Variants in ABTB3 observed in about 807,000 individuals in gnomAD.
ABTB3 encodes the protein ankyrin repeat- and BTB/POZ domain-containing protein 3.
At chr12:107,631,874 C>T in the ABTB3 span, among the ~76,000 whole-genome samples, 119 of 152,272 alleles carry the variant, frequency 7.8e-4, 7 homozygotes, top group South Asian at 1.5e-3. Flanking sequence ...CAGTGTTTGT[C>T]GAGTTTCTCT....
chr12:107,475,403 C>T, the ABTB3 span, among the ~76,000 whole-genome samples: 1 of 152,182 alleles, frequency 6.6e-6, no homozygotes, highest in Admixed American at 6.5e-5. Flanking sequence ...AGTCAGCTAC[C>T]CAGAGTAGCC....
the ABTB3 span, among the ~76,000 whole-genome samples, chr12:107,604,932 T>TA: frequency 4.6e-5 from 7 of 152,024 alleles, no homozygotes; most frequent in African/African-American, 1.7e-4. Flanking sequence ...TATTCAGTCT[T>TA]AAAAAAAAGA....
the ABTB3 span, among the ~76,000 whole-genome samples, chr12:107,362,291 C>T: frequency 2.1e-4 from 32 of 152,328 alleles, no homozygotes; most frequent in Middle Eastern, 3.4e-3. Context: ...ATGCTTGCTT[C>T]CTGCTAGTAG....
the ABTB3 span, among the ~76,000 whole-genome samples, chr12:107,532,245 G>T: frequency 6.6e-6 from 1 of 152,200 alleles, no homozygotes; most frequent in Admixed American, 6.5e-5. Context: ...ACCCAACCAG[G>T]GCCCACTGCC....
chr12:107,446,811 G>A, the ABTB3 span, among the ~76,000 whole-genome samples: 1 of 152,202 alleles, frequency 6.6e-6, no homozygotes, highest in East Asian at 1.9e-4. Context: ...CTGGCATGCT[G>A]TGTGGCTCTG....
chr12:107,558,809 C>G, the ABTB3 span, among the ~76,000 whole-genome samples: 1 of 152,170 alleles, frequency 6.6e-6, no homozygotes, highest in Non-Finnish European at 1.5e-5. Flanking sequence ...GTTATTTTGC[C>G]TATTTAACAG....
chr12:107,363,222 A>G, the ABTB3 span, among the ~76,000 whole-genome samples: 2 of 152,216 alleles, frequency 1.3e-5, no homozygotes, highest in East Asian at 3.9e-4. Flanking sequence ...TTTTGAAAGA[A>G]CCACTTCACC....
chr12:107,355,206 T>C, the ABTB3 span, among the ~76,000 whole-genome samples: 1 of 152,202 alleles, frequency 6.6e-6, no homozygotes, highest in Non-Finnish European at 1.5e-5. Flanking sequence ...CTCTTGTAGG[T>C]CCCTCTGAGC....
the ABTB3 span, among the ~76,000 whole-genome samples, chr12:107,414,133 T>G: frequency 6.6e-6 from 1 of 152,250 alleles, no homozygotes; most frequent in African/African-American, 2.4e-5. Context: ...CAAATGAACA[T>G]GAATTTATTT....
At chr12:107,556,749 G>A in the ABTB3 span, among the ~76,000 whole-genome samples, 83 of 152,090 alleles carry the variant, frequency 5.5e-4, no homozygotes, top group Non-Finnish European at 8.5e-4. Context: ...GGTGGTTCAC[G>A]CCTGTAATCT....
the ABTB3 span, among the ~76,000 whole-genome samples, chr12:107,327,843 C>T: frequency 2.0e-5 from 3 of 152,186 alleles, no homozygotes; most frequent in Non-Finnish European, 4.4e-5. Context: ...AAGCTGCTTT[C>T]TCATTCATGT....
chr12:107,449,312 A>G, the ABTB3 span, among the ~76,000 whole-genome samples: 1 of 152,218 alleles, frequency 6.6e-6, no homozygotes. Context: ...GCATGCTCAG[A>G]TGAAGCAGAC....
the ABTB3 span, among the ~76,000 whole-genome samples, chr12:107,654,616 G>C: frequency 3.3e-5 from 5 of 152,006 alleles, no homozygotes; most frequent in Non-Finnish European, 5.9e-5. Context: ...CCTGCTTTCA[G>C]TTATTTGGGG....
chr12:107,576,000 C>T, the ABTB3 span, among the ~76,000 whole-genome samples: 9 of 152,204 alleles, frequency 5.9e-5, no homozygotes, highest in Non-Finnish European at 1.3e-4. Context: ...GAAGGTAGAG[C>T]TGGAATCCAG....
chr12:107,418,389 A>G, the ABTB3 span, among the ~76,000 whole-genome samples: 1 of 152,252 alleles, frequency 6.6e-6, no homozygotes, highest in South Asian at 2.1e-4. Flanking sequence ...GATACTACTT[A>G]ATAAACTCCC....
the ABTB3 span, among the ~76,000 whole-genome samples, chr12:107,560,999 A>G: frequency 6.6e-6 from 1 of 152,336 alleles, no homozygotes; most frequent in East Asian, 1.9e-4. Flanking sequence ...GAATTCGGTC[A>G]AGAGTTAGCC....
At chr12:107,642,065 A>G in the ABTB3 span, 1,368 of 1,604,994 alleles carry the variant, frequency 8.5e-4, 1 homozygote, top group Middle Eastern at 1.7e-3. Flanking sequence ...AGTCTTTTTT[A>G]TCTCTTTTTT....
At chr12:107,404,554 C>T in the ABTB3 span, among the ~76,000 whole-genome samples, 152 of 152,258 alleles carry the variant, frequency 1.0e-3, 1 homozygote, top group East Asian at 8.5e-3. Flanking sequence ...CCTTTGAAAG[C>T]GACTCCGAAA....
chr12:107,411,393 T>C, the ABTB3 span, among the ~76,000 whole-genome samples: 4,205 of 152,388 alleles, frequency 0.028, 81 homozygotes, highest in African/African-American at 0.042. Flanking sequence ...TTGTCTCCTA[T>C]GTGTAGACAT....
Sources: allele counts gnomAD v4.1 joint callset (sites outside exome capture counted in the v4.1 genomes callset), GRCh38; gene constraint gnomAD v4.1.1; transcripts MANE v1.5; gene names NCBI Gene and HGNC (gene_info 2026-07-23, HGNC 2026-07-21).